Variants in FBN1 observed in about 807,000 individuals in gnomAD.
FBN1 encodes the protein fibrillin-1.
In FBN1, 29 loss-of-function variants were observed where a neutral mutation model predicts 365.1. That is an observed-to-expected ratio of 0.08 (90% CI 0.06 to 0.11). FBN1 has a LOEUF of 0.11. Ranked by LOEUF, FBN1 falls within the 10% of genes least tolerant of loss-of-function variation. FBN1 has a pLI of 1.00. For synonymous variants in FBN1, 1,210 were observed against 1,270.5 expected (o/e 0.95, Z 1.01); for missense variants, 2,476 against 3,703.2 (o/e 0.67, Z 8.60).
chr15:48,578,066 A>G (rs1454383935), intron 6 of FBN1, among the ~76,000 whole-genome samples: 3 of 152,206 alleles, frequency 2.0e-5, no homozygotes, highest in Non-Finnish European at 4.4e-5. Flanking sequence ...GAAGATTGGC[A>G]TATGTATTTT....
intron 8 of FBN1, among the ~76,000 whole-genome samples, chr15:48,532,665 A>C (rs1357214906): frequency 6.6e-6 from 1 of 152,106 alleles, no homozygotes; most frequent in Admixed American, 6.6e-5. Context: ...CAGGGTACTT[A>C]ATACACCCAA....
intron 5 of FBN1, among the ~76,000 whole-genome samples, chr15:48,598,500 G>A (rs986433684): frequency 6.6e-6 from 1 of 152,096 alleles, no homozygotes; most frequent in Non-Finnish European, 1.5e-5. Context: ...ATCAAAACCT[G>A]GCCCATGACA....
chr15:48,433,194 C>G (rs968020528), intron 54 of FBN1, among the ~76,000 whole-genome samples: 7 of 152,132 alleles, frequency 4.6e-5, no homozygotes, highest in East Asian at 3.8e-4. Context: ...GACTCTCCAT[C>G]CCGGTTCTCC....
chr15:48,589,609 CTTTTTTTT>C (rs756647308), intron 6 of FBN1, among the ~76,000 whole-genome samples: 1 of 108,720 alleles, frequency 9.2e-6, no homozygotes, highest in Non-Finnish European at 1.8e-5. Flanking sequence ...TTGTTACTTT[CTTTTTTTT>C]TTTTTTTTTT....
chr15:48,498,282 C>T (rs536163626), intron 18 of FBN1, among the ~76,000 whole-genome samples: 4 of 152,100 alleles, frequency 2.6e-5, no homozygotes, highest in Non-Finnish European at 5.9e-5. Context: ...TAAATATCCC[C>T]TCCACATTTT....
At chr15:48,599,370 G>A (rs1189805424) in intron 5 of FBN1, among the ~76,000 whole-genome samples, 2 of 151,990 alleles carry the variant, frequency 1.3e-5, no homozygotes, top group Middle Eastern at 3.2e-3. Context: ...AGTATTAAGT[G>A]AAAAAGTGGT....
chr15:48,444,084 T>C (rs1375974416), intron 49 of FBN1, among the ~76,000 whole-genome samples: 2 of 152,180 alleles, frequency 1.3e-5, no homozygotes, highest in Non-Finnish European at 2.9e-5. Flanking sequence ...TTGCTGAGAA[T>C]TTATTTGAAA....
intron 8 of FBN1, among the ~76,000 whole-genome samples, chr15:48,532,194 C>T (rs2043978519): frequency 6.6e-6 from 1 of 152,174 alleles, no homozygotes; most frequent in Admixed American, 6.5e-5. Context: ...AAGCAAGAGA[C>T]AAAATCAATT....
chr15:48,503,192 G>C (rs12899078), intron 17 of FBN1, among the ~76,000 whole-genome samples: 2 of 151,622 alleles, frequency 1.3e-5, no homozygotes, highest in African/African-American at 4.9e-5. Context: ...CAGCTACTCA[G>C]GAGTTTGAGG....
At chr15:48,610,687 C>G (rs1281104002) in intron 4 of FBN1, 41 bp downstream of exon 4, 2 of 1,459,498 alleles carry the variant, frequency 1.4e-6, no homozygotes, top group Admixed American at 3.4e-5. Context: ...GGGGTATAAC[C>G]ACATAAAATA....
At chr15:48,618,635 A>G (rs1889706121) in intron 2 of FBN1, among the ~76,000 whole-genome samples, 1 of 152,088 alleles carries the variant, frequency 6.6e-6, no homozygotes, top group Admixed American at 6.6e-5. Flanking sequence ...GGGGTCCCCA[A>G]CCCCTGGGCC....
intron 63 of FBN1, among the ~76,000 whole-genome samples, chr15:48,418,052 G>GT (rs1460270554): frequency 1.3e-5 from 2 of 152,202 alleles, no homozygotes; most frequent in African/African-American, 4.8e-5. Flanking sequence ...TTTATTCTGT[G>GT]TTTTTTCCTC....
chr15:48,447,341 C>A (rs1269171771), intron 46 of FBN1, among the ~76,000 whole-genome samples: 1 of 152,154 alleles, frequency 6.6e-6, no homozygotes, highest in Non-Finnish European at 1.5e-5. Flanking sequence ...TCCCTACACC[C>A]ATAAAAACAT....
chr15:48,495,164 A>T lies in FBN1; in HGVS notation c.2636T>A (p.Leu879His). 6.2e-7 allele frequency: 1 copy of T among 1,614,188 alleles called. No individual in the cohort carries two copies. ...GCACGGGCTTCCCCACGCAGCACCG[A>T]GGGAGGAGCAGCACTGGGACTTTAA... is the stretch of plus-strand genomic sequence containing the variant. ...ATLKSQCCSS[L>H]GAAWGSPCTL... The change falls in exon 22 of 66, where the codon CTC (leucine) becomes CAC (histidine). Residue 879 changes from leucine (L) to histidine (H), a missense_variant. Transcript: ENST00000316623.
In FBN1 at chr15:48,534,485, C is replaced by T. The variant is rs1469085046; in HGVS notation, c.737-280G>A. On this transcript the variant is annotated intron_variant, in intron 7 of 65. Coordinates refer to ENST00000316623, the MANE Select transcript of FBN1 (RefSeq NM_000138.5). The stretch of plus-strand genomic sequence containing the variant: ...GTAGAGGAGAGTGCATTAACTTTTG[C>T]GGGTTTTAGCACATATGCAGCAAAG... 3.3e-5 allele frequency among the ~76,000 whole-genome samples: 5 copies of T among 152,290 alleles called. 1 individual carries two copies. The highest frequency in any genetic ancestry group is 3.4e-3 in the Middle Eastern group (1 of 294).
In FBN1 at chr15:48,503,733, C is replaced by T; in HGVS notation, c.2113+54G>A. ...CTGTGAATTCCACAAATGCAAAGACCTCAATGGTGGCAGAAGGCTGGCAGT... is the reference window on the plus strand; with the variant it reads ...CTGTGAATTCCACAAATGCAAAGACTTCAATGGTGGCAGAAGGCTGGCAGT... On this transcript the variant is annotated intron_variant, in intron 17 of 65. Transcript: ENST00000316623. 3.7e-6 allele frequency: 6 copies of T among 1,609,544 alleles called. No homozygotes were observed. The South Asian group carries it at 6.6e-5, about 18-fold the overall frequency.
At chr15:48,475,079 C>A (rs983389400) in intron 32 of FBN1, among the ~76,000 whole-genome samples, 1 of 151,768 alleles carries the variant, frequency 6.6e-6, no homozygotes, top group African/African-American at 2.4e-5. Context: ...AACTTGTTGG[C>A]AAATTAGAAA....
intron 64 of FBN1, 82 bp from the exon 65 acceptor site, chr15:48,412,825 T>C: frequency 6.5e-7 from 1 of 1,529,644 alleles, no homozygotes; most frequent in Admixed American, 1.7e-5. Context: ...GTGAAGCCTG[T>C]TCCTTGCAGT....
At position 48,487,323 on chromosome 15, in the gene FBN1, G is replaced by C; in HGVS notation, c.3452C>G (p.Ser1151Cys). 6.2e-7 allele frequency: 1 copy of C among 1,614,232 alleles called. No homozygotes were observed. The highest frequency in any genetic ancestry group is 8.5e-7 in the Non-Finnish European group (1 of 1,180,038). ...PPGHQLSPNISACIDINECEL... is the reference protein window; with the variant it reads ...PPGHQLSPNICACIDINECEL... ...GTCTTTCTCCTTACCGATACACGCG[G>C]AGATGTTGGGGGACAGCTGATGGCC... Residue 1151 changes from serine to cysteine, a missense_variant, in exon 28 of 66, where the codon TCC (serine) becomes TGC (cysteine). Ser to Cys is a moderately radical substitution (Grantham distance 112). Coordinates refer to ENST00000316623, the MANE Select transcript of FBN1 (RefSeq NM_000138.5).
Sources: gnomAD v4.1 joint callset for allele counts (sites outside exome capture counted in the v4.1 genomes callset) on GRCh38, gnomAD v4.1.1 for gene constraint, MANE v1.5 for transcripts, NCBI Gene and HGNC (gene_info 2026-07-23, HGNC 2026-07-21) for gene names.